LDB2: variants seen among roughly 807,000 people sequenced by gnomAD.
The protein encoded by LDB2 is LIM domain binding 2, also known as LIM domain-binding protein 2.
Under a neutral mutation model 44.3 loss-of-function variants are expected in LDB2, and 12 were observed. The observed-to-expected ratio is 0.27, with a 90% CI of 0.17 to 0.44. The LOEUF (loss-of-function observed/expected upper bound fraction) is 0.44, where lower values mean the gene tolerates loss of function less well. Ranked by LOEUF, LDB2 falls within the 20% of genes least tolerant of loss-of-function variation. The pLI is 1.00. For synonymous variants in LDB2, 164 were observed against 174.8 expected (o/e 0.94, Z 0.49); for missense variants, 344 against 473.5 (o/e 0.73, Z 2.54).
chr4:16,728,762 CCTT>C (rs1393758657), intron 2 of LDB2, among the ~76,000 whole-genome samples: 1 of 152,168 alleles, frequency 6.6e-6, no homozygotes, highest in Non-Finnish European at 1.5e-5. Context: ...ATCTTTCTAT[CCTT>C]CAAGGAGCAC....
At chr4:16,888,862 A>G (rs576823189) in intron 1 of LDB2, 9 of 260,604 alleles carry the variant, frequency 3.5e-5, no homozygotes, top group Non-Finnish European at 5.4e-5. Context: ...CTTCCTTAAT[A>G]TTACACAGCA....
intron 2 of LDB2, among the ~76,000 whole-genome samples, chr4:16,749,414 C>T (rs1245835914): frequency 1.3e-5 from 2 of 150,748 alleles, no homozygotes; most frequent in African/African-American, 2.4e-5. Context: ...AAAAATTAGC[C>T]GGGTGTGGTT....
chr4:16,546,406 C>T (rs1735754033), intron 5 of LDB2, among the ~76,000 whole-genome samples: 1 of 152,194 alleles, frequency 6.6e-6, no homozygotes, highest in African/African-American at 2.4e-5. Flanking sequence ...AAAATAATTA[C>T]CATATATAGA....
chr4:16,549,398 G>C (rs2152344284), intron 5 of LDB2, among the ~76,000 whole-genome samples: 1 of 152,286 alleles, frequency 6.6e-6, no homozygotes, highest in African/African-American at 2.4e-5. Flanking sequence ...AATAGGAAGA[G>C]ACTCAATCTC....
rs191692101 is a variant in LDB2 at position 16,625,524 on chromosome 4, T to G, written c.236-29649A>C. 6.4e-3 allele frequency among the ~76,000 whole-genome samples: 972 copies of G among 152,288 alleles called. 7 individuals carry two copies. Among genetic ancestry groups the G allele is most frequent in the Non-Finnish European group, 0.011 (753 of 68,026 alleles). On this transcript the variant is annotated intron_variant, in intron 2 of 7. Coordinates refer to ENST00000304523, the MANE Select transcript of LDB2 (RefSeq NM_001290.5). Reference sequence around the variant, plus strand: ...CCACAATACCAGGGATGGAGTAGCCTTGATACATATTTGGTGAATAAATGA... The same window carrying G: ...CCACAATACCAGGGATGGAGTAGCCGTGATACATATTTGGTGAATAAATGA...
At chr4:16,773,382 T>C (rs1382725350) in intron 1 of LDB2, among the ~76,000 whole-genome samples, 1 of 152,192 alleles carries the variant, frequency 6.6e-6, no homozygotes, top group Non-Finnish European at 1.5e-5. Context: ...CTCACCATAA[T>C]GTAGAATCAG....
At chr4:16,504,276 C>G (rs1026589719) in intron 7 of LDB2, among the ~76,000 whole-genome samples, 2 of 152,138 alleles carry the variant, frequency 1.3e-5, no homozygotes, top group African/African-American at 4.8e-5. Context: ...TTGAAAGTGT[C>G]CATTGAACAA....
intron 3 of LDB2, among the ~76,000 whole-genome samples, chr4:16,589,798 G>A (rs532913116): frequency 6.6e-6 from 1 of 152,144 alleles, no homozygotes; most frequent in South Asian, 2.1e-4. Flanking sequence ...ACAAAATAGC[G>A]GGCGGATACT....
chr4:16,878,487 T>G (rs1719083159), intron 1 of LDB2, among the ~76,000 whole-genome samples: 1 of 152,212 alleles, frequency 6.6e-6, no homozygotes. Flanking sequence ...GTCCTTCTGC[T>G]TCTGCTTTTA....
chr4:16,595,356 A>C (rs1436534518), intron 3 of LDB2, among the ~76,000 whole-genome samples: 1 of 152,158 alleles, frequency 6.6e-6, no homozygotes, highest in Non-Finnish European at 1.5e-5. Context: ...TACAGTGCTG[A>C]CCACGCGAAA....
At chr4:16,530,671 C>A (rs1037045225) in intron 5 of LDB2, among the ~76,000 whole-genome samples, 2 of 152,202 alleles carry the variant, frequency 1.3e-5, no homozygotes, top group Non-Finnish European at 2.9e-5. Flanking sequence ...TACAGGCTTT[C>A]TTTGAGGTAC....
At chr4:16,822,683 T>G (rs1009863489) in intron 1 of LDB2, among the ~76,000 whole-genome samples, 1 of 151,768 alleles carries the variant, frequency 6.6e-6, no homozygotes, top group Non-Finnish European at 1.5e-5. Flanking sequence ...CCCGGCTAAT[T>G]TTTTGTATTT....
chr4:16,607,968 A>G (rs1240558826), intron 2 of LDB2, among the ~76,000 whole-genome samples: 6 of 152,258 alleles, frequency 3.9e-5, no homozygotes, highest in African/African-American at 1.2e-4. Flanking sequence ...AAGGGGAAAT[A>G]AGGTTTTAGG....
Position 16,838,280 on chromosome 4 carries a change from G to A in LDB2, c.132+60074C>T, listed in dbSNP as rs138937386. 5.9e-5 allele frequency among the ~76,000 whole-genome samples: 9 copies of A among 152,212 alleles called. No homozygotes were observed. The East Asian group carries it at 1.4e-3, about 23-fold the overall frequency. On this transcript the variant is annotated intron_variant, in intron 1 of 7. Coordinates refer to ENST00000304523, the MANE Select transcript of LDB2 (RefSeq NM_001290.5). ...TCCCTAATTAGGAGAAATTAAAAAC[G>A]GAGATCAGCAAGCAACAGATGCAGA...
At chr4:16,850,601 A>G (rs1788021468) in intron 1 of LDB2, among the ~76,000 whole-genome samples, 1 of 152,188 alleles carries the variant, frequency 6.6e-6, no homozygotes, top group Non-Finnish European at 1.5e-5. Context: ...ACGGTGATCC[A>G]AAGTAACCGT....
At chr4:16,788,146 A>C (rs534703739) in intron 1 of LDB2, among the ~76,000 whole-genome samples, 61 of 152,328 alleles carry the variant, frequency 4.0e-4, no homozygotes, top group African/African-American at 1.4e-3. Context: ...CGATCAAGAT[A>C]TCTGGCTTTA....
intron 2 of LDB2, among the ~76,000 whole-genome samples, chr4:16,665,266 TTC>T (rs1742740101): frequency 3.1e-5 from 1 of 31,854 alleles, no homozygotes; most frequent in Non-Finnish European, 5.8e-5. Context: ...TTTTTTTCAT[TTC>T]TTTTTTTTTT....
chr4:16,567,453 T>G (rs945668529), intron 5 of LDB2, among the ~76,000 whole-genome samples: 14 of 152,052 alleles, frequency 9.2e-5, no homozygotes, highest in African/African-American at 2.7e-4. Flanking sequence ...TGTATATTCA[T>G]GGAATATCTC....
chr4:16,520,449 A>C (rs1725638493), intron 5 of LDB2, among the ~76,000 whole-genome samples: 1 of 152,216 alleles, frequency 6.6e-6, no homozygotes, highest in African/African-American at 2.4e-5. Context: ...AGTCCAAAAC[A>C]TCAGATTATG....
Sources: allele counts gnomAD v4.1 joint callset (sites outside exome capture counted in the v4.1 genomes callset), GRCh38; gene constraint gnomAD v4.1.1; transcripts MANE v1.5; gene names NCBI Gene and HGNC (gene_info 2026-07-23, HGNC 2026-07-21).